CHRM3: variants seen among roughly 807,000 people sequenced by gnomAD.
The protein encoded by CHRM3 is muscarinic acetylcholine receptor M3.
CHRM3 carries 11 observed loss-of-function variants against 41.8 expected under a neutral mutation model. The observed-to-expected ratio is 0.26, with a 90% CI of 0.17 to 0.44. The LOEUF (loss-of-function observed/expected upper bound fraction) is 0.44, where lower values mean the gene tolerates loss of function less well. CHRM3 is among the 20% of genes least tolerant of loss of function. The pLI is 1.00. For missense variants in CHRM3, 571 were observed against 745.4 expected, an observed-to-expected ratio of 0.77 and a Z score of 2.72; for synonymous variants, 297 against 301.4, an observed-to-expected ratio of 0.99 and a Z score of 0.15.
chr1:239,515,420 T>TG (rs1383543558), intron 2 of CHRM3, among the ~76,000 whole-genome samples: 1 of 151,532 alleles, frequency 6.6e-6, no homozygotes, highest in Non-Finnish European at 1.5e-5. Flanking sequence ...TTGTTTTTTT[T>TG]TTTTTTAATT....
chr1:239,550,220 C>T (rs1442083674), intron 3 of CHRM3, among the ~76,000 whole-genome samples: 1 of 152,158 alleles, frequency 6.6e-6, no homozygotes, highest in East Asian at 1.9e-4. Flanking sequence ...GTTCTTCCTT[C>T]CAAACTCAGT....
chr1:239,588,704 G>A (rs1663702907), intron 3 of CHRM3, among the ~76,000 whole-genome samples: 1 of 152,126 alleles, frequency 6.6e-6, no homozygotes, highest in Non-Finnish European at 1.5e-5. Flanking sequence ...AGATGCACAA[G>A]GTCTGGAAAA....
intron 4 of CHRM3, among the ~76,000 whole-genome samples, chr1:239,646,590 T>A (rs1196909344): frequency 6.6e-6 from 1 of 152,114 alleles, no homozygotes; most frequent in Non-Finnish European, 1.5e-5. Flanking sequence ...GGTTATATAA[T>A]ATGAGACTTG....
At chr1:239,604,292 G>T (rs1276553962) in intron 3 of CHRM3, among the ~76,000 whole-genome samples, 6 of 119,620 alleles carry the variant, frequency 5.0e-5, no homozygotes, top group Non-Finnish European at 6.7e-5. Flanking sequence ...GGGAAACTAG[G>T]TTTTTTTTTT....
At chr1:239,524,110 A>G (rs1353772716) in intron 2 of CHRM3, among the ~76,000 whole-genome samples, 1 of 152,152 alleles carries the variant, frequency 6.6e-6, no homozygotes, top group East Asian at 1.9e-4. Context: ...CCTTTGTAAC[A>G]CTTTTGAAAA....
intron 1 of CHRM3, among the ~76,000 whole-genome samples, chr1:239,398,877 A>G (rs1253584001): frequency 6.6e-6 from 1 of 152,160 alleles, no homozygotes; most frequent in Admixed American, 6.6e-5. Flanking sequence ...TTCTCTTTGG[A>G]AGGCAAGCAG....
intron 5 of CHRM3, among the ~76,000 whole-genome samples, chr1:239,679,248 T>C (rs1046280118): frequency 6.6e-6 from 1 of 152,130 alleles, no homozygotes; most frequent in Non-Finnish European, 1.5e-5. Context: ...AAGTGCCCCA[T>C]AAATTCTATT....
At chr1:239,397,048 A>G (rs750418321) in intron 1 of CHRM3, among the ~76,000 whole-genome samples, 3 of 152,182 alleles carry the variant, frequency 2.0e-5, no homozygotes, top group Non-Finnish European at 4.4e-5. Context: ...ATTGTGCTAG[A>G]CTTCGGATCT....
chr1:239,548,606 G>C (rs757265993), intron 3 of CHRM3, among the ~76,000 whole-genome samples: 9 of 152,206 alleles, frequency 5.9e-5, no homozygotes, highest in Non-Finnish European at 1.2e-4. Context: ...TATGGGGGAA[G>C]CTTTTGGGCA....
chr1:239,483,507 A>T (rs1666995808), intron 1 of CHRM3, among the ~76,000 whole-genome samples: 1 of 152,240 alleles, frequency 6.6e-6, no homozygotes, highest in Non-Finnish European at 1.5e-5. Context: ...TGCAGGAGCA[A>T]CTAGAAGTAG....
At chr1:239,570,765 C>T (rs1357567751) in intron 3 of CHRM3, among the ~76,000 whole-genome samples, 1 of 151,800 alleles carries the variant, frequency 6.6e-6, no homozygotes, top group Admixed American at 6.6e-5. Flanking sequence ...TGTTAAACTC[C>T]CAAAAGAAGT....
chr1:239,465,273 C>T (rs924296946), intron 1 of CHRM3, among the ~76,000 whole-genome samples: 1 of 152,004 alleles, frequency 6.6e-6, no homozygotes, highest in East Asian at 1.9e-4. Context: ...ACAAGGAGAA[C>T]TTTCTGGGCT....
At chr1:239,618,784 C>A (rs1165214342) in intron 3 of CHRM3, among the ~76,000 whole-genome samples, 17 of 137,936 alleles carry the variant, frequency 1.2e-4, no homozygotes, top group Non-Finnish European at 2.1e-4. Flanking sequence ...GCGGAGCTTG[C>A]AGTGAGCCGA....
At chr1:239,434,562 C>T (rs1285082043) in intron 1 of CHRM3, among the ~76,000 whole-genome samples, 1 of 152,066 alleles carries the variant, frequency 6.6e-6, no homozygotes, top group Non-Finnish European at 1.5e-5. Flanking sequence ...TAGTGGCTAC[C>T]TTGAGCGCAG....
intron 1 of CHRM3, among the ~76,000 whole-genome samples, chr1:239,466,452 T>A (rs1054339536): frequency 5.3e-5 from 8 of 152,114 alleles, no homozygotes; most frequent in Non-Finnish European, 1.5e-5. Flanking sequence ...CAATAAGGCT[T>A]CTGGTTAACA....
chr1:239,910,519 T>C lies in CHRM3; in HGVS notation c.*1295T>C, dbSNP rs1293102506. ...ATAGGTGAGGTTTTAGGAAGTTACA[T>C]GTCCTCTGAAGAAAGAATTACACTC... is the stretch of plus-strand genomic sequence containing the variant. On this transcript the variant is annotated 3_prime_UTR_variant, in exon 7 of 7. Coordinates refer to ENST00000676153, the MANE Select transcript of CHRM3 (RefSeq NM_001375978.1). 2.4e-5 allele frequency: 4 copies of C among 166,800 alleles called. No individual in the cohort carries two copies. The highest frequency in any genetic ancestry group is 9.7e-5 in the African/African-American group (4 of 41,368). The allele number at this position is 166,800 out of a possible 1,614,324, so 10.3% of individuals were successfully genotyped here.
intron 1 of CHRM3, among the ~76,000 whole-genome samples, chr1:239,480,495 G>A (rs528137491): frequency 8.9e-4 from 134 of 150,202 alleles, no homozygotes; most frequent in Non-Finnish European, 1.6e-3. Flanking sequence ...CAGGTAATGC[G>A]AAATGTAACT....
chr1:239,747,555 T>G (rs1406712443), intron 5 of CHRM3, among the ~76,000 whole-genome samples: 1 of 152,142 alleles, frequency 6.6e-6, no homozygotes, highest in Non-Finnish European at 1.5e-5. Context: ...ATTAAGCCTG[T>G]TCTTGCCCCT....
intron 4 of CHRM3, among the ~76,000 whole-genome samples, chr1:239,664,508 G>C (rs1039081858): frequency 1.3e-5 from 2 of 152,102 alleles, no homozygotes; most frequent in African/African-American, 4.8e-5. Flanking sequence ...TGACCTGTAT[G>C]GTTTGGAAAC....
Sources: allele counts gnomAD v4.1 joint callset (sites outside exome capture counted in the v4.1 genomes callset), GRCh38; gene constraint gnomAD v4.1.1; transcripts MANE v1.5; gene names NCBI Gene and HGNC (gene_info 2026-07-23, HGNC 2026-07-21).